PPP4R3B: variants seen among roughly 807,000 people sequenced by gnomAD.
PPP4R3B encodes serine/threonine-protein phosphatase 4 regulatory subunit 3B.
In PPP4R3B, 52 loss-of-function variants were observed where a neutral mutation model predicts 95.4. The ratio of observed to expected loss-of-function variants is 0.54; its 90% CI spans 0.44 to 0.69. PPP4R3B has a LOEUF of 0.69. Ranked by LOEUF, PPP4R3B falls within the 30% of genes least tolerant of loss-of-function variation. PPP4R3B has a pLI of 0.00. For synonymous variants in PPP4R3B, 407 were observed against 343.9 expected, an observed-to-expected ratio of 1.18 and a Z score of -2.03; for missense variants, 1,003 against 1,005.9, an observed-to-expected ratio of 1.00 and a Z score of 0.04.
At chr2:55,578,223 T>C in intron 10 of PPP4R3B, 24 bp downstream of exon 10, 1 of 1,382,840 alleles carries the variant, frequency 7.2e-7, no homozygotes, top group Non-Finnish European at 9.4e-7. Context: ...AATATAGGAG[T>C]GATACACTCC....
intron 2 of PPP4R3B, 82 bp downstream of exon 2, chr2:55,615,369 G>T: frequency 2.0e-6 from 2 of 1,002,402 alleles, no homozygotes; most frequent in Non-Finnish European, 1.5e-6. Flanking sequence ...TTCTTGTCAG[G>T]AAAGCTTTCC....
At chr2:55,592,423 TG>T (rs915601390) in intron 4 of PPP4R3B, among the ~76,000 whole-genome samples, 2 of 152,140 alleles carry the variant, frequency 1.3e-5, no homozygotes, top group African/African-American at 4.8e-5. Flanking sequence ...AAAGCTGGAA[TG>T]GGCCAAATCT....
intron 2 of PPP4R3B, among the ~76,000 whole-genome samples, chr2:55,606,103 C>T (rs1395379811): frequency 6.6e-6 from 1 of 152,122 alleles, no homozygotes. Context: ...AGGCTCCCTA[C>T]ATTCCCAAGT....
At chr2:55,590,573 C>G (rs1432952512) in intron 4 of PPP4R3B, among the ~76,000 whole-genome samples, 2 of 152,042 alleles carry the variant, frequency 1.3e-5, no homozygotes, top group Admixed American at 1.3e-4. Flanking sequence ...TATTAAAATT[C>G]ACCTTAGAGA....
intron 11 of PPP4R3B, 109 bp from the exon 12 acceptor site, chr2:55,573,886 CTT>C (rs369126683): frequency 0.028 from 7,591 of 274,036 alleles, no homozygotes; most frequent in South Asian, 0.058. Flanking sequence ...GTATTTCCTC[CTT>C]TTTTTTTTTT....
Position 55,564,760 on chromosome 2 carries a change from G to A in PPP4R3B, c.2075+142C>T, listed in dbSNP as rs148619171. 8,052 of 897,214 alleles carry A rather than the reference G, an allele frequency of 9.0e-3. 60 individuals are homozygous for A. The highest frequency in any genetic ancestry group is 0.011 in the Non-Finnish European group (6,690 of 596,166). 55.6% of individuals were successfully genotyped at this position (897,214 alleles called of 1,614,324 possible). ...CATATAAATGATATGGGGTAGGGGG[G>A]ACGCCTTACCCTCCTATTCAACTCT... On this transcript the variant is annotated intron_variant, in intron 14 of 16. Coordinates refer to ENST00000616407, the MANE Select transcript of PPP4R3B (RefSeq NM_001122964.3).
Position 55,598,557 on chromosome 2 carries a change from CCTT to C in PPP4R3B, c.777_779del (p.Arg260del). ...CCCTGTAAGTCTGATGTATTTTTTG[CCTT>C]AGTTCAGAGTCTGTTATTGGTATAA... On this transcript the variant is annotated inframe_deletion, in exon 4 of 17. Coordinates refer to ENST00000616407, the MANE Select transcript of PPP4R3B (RefSeq NM_001122964.3). 1 of 1,614,068 alleles carries C rather than the reference CCTT, an allele frequency of 6.2e-7. No homozygotes were observed. Among genetic ancestry groups the C allele is most frequent in the Non-Finnish European group, 8.5e-7 (1 of 1,180,010 alleles).
intron 4 of PPP4R3B, among the ~76,000 whole-genome samples, chr2:55,595,634 T>A (rs377050838): frequency 2.4e-4 from 36 of 152,020 alleles, no homozygotes; most frequent in African/African-American, 8.2e-4. Context: ...CCCTTTTACA[T>A]TTTTGCAAAT....
intron 15 of PPP4R3B, among the ~76,000 whole-genome samples, chr2:55,563,024 T>C (rs371307734): frequency 5.9e-5 from 9 of 152,226 alleles, no homozygotes; most frequent in Non-Finnish European, 1.2e-4. Context: ...ATTATTTTTA[T>C]ATATGATTCT....
At chr2:55,576,217 T>C (rs944906416) in intron 11 of PPP4R3B, among the ~76,000 whole-genome samples, 1 of 151,996 alleles carries the variant, frequency 6.6e-6, no homozygotes, top group African/African-American at 2.4e-5. Flanking sequence ...GGCGTGGTGG[T>C]GCACACCTGT....
chr2:55,584,042 C>T (rs1689781745), intron 7 of PPP4R3B, among the ~76,000 whole-genome samples: 1 of 152,010 alleles, frequency 6.6e-6, no homozygotes, highest in Non-Finnish European at 1.5e-5. Flanking sequence ...CTCTTCTCTA[C>T]CAAAAATACA....
Position 55,549,657 on chromosome 2 carries a change from G to A in PPP4R3B, c.*254C>T, listed in dbSNP as rs3748945. On this transcript the variant is annotated 3_prime_UTR_variant, in exon 17 of 17. Coordinates refer to ENST00000616407, the MANE Select transcript of PPP4R3B (RefSeq NM_001122964.3). Reference sequence around the variant, plus strand: ...TGTGACTTTTCCTTGCTGAGAAGCTGTCTCCCAGGTTCTGGTTACTAATGT... The same window carrying A: ...TGTGACTTTTCCTTGCTGAGAAGCTATCTCCCAGGTTCTGGTTACTAATGT... The A allele has an allele frequency of 0.68, 274,112 of 403,836 alleles. 94,425 individuals carry two copies. The highest frequency in any genetic ancestry group is 0.73 in the Admixed American group (17,220 of 23,550). The allele number at this position is 403,836 out of a possible 1,614,324, so 25.0% of individuals were successfully genotyped here. A position where few individuals can be genotyped will look rare whatever the true frequency, so the allele number is the denominator to read the frequency against.
intron 9 of PPP4R3B, 47 bp downstream of exon 9, chr2:55,579,632 C>T (rs781721726): frequency 1.5e-6 from 2 of 1,320,816 alleles, no homozygotes; most frequent in African/African-American, 1.5e-5. Flanking sequence ...TTTATCTCAT[C>T]CTTCTTTAAA....
intron 15 of PPP4R3B, among the ~76,000 whole-genome samples, chr2:55,563,577 T>A (rs1686899742): frequency 6.6e-6 from 1 of 152,136 alleles, no homozygotes; most frequent in African/African-American, 2.4e-5. Flanking sequence ...TTTTACCATG[T>A]TACCCAGGGT....
chr2:55,577,341 G>C lies in PPP4R3B; in HGVS notation c.1580C>G (p.Ser527Ter). 1 of 1,543,326 alleles carries C rather than the reference G, an allele frequency of 6.5e-7. No individual in the cohort carries two copies. Among genetic ancestry groups the C allele is most frequent in the Non-Finnish European group, 8.7e-7 (1 of 1,151,188 alleles). Residue 527 changes from serine (S) to a stop codon, truncating the protein, a stop_gained, in exon 11 of 17, where the codon TCA becomes TGA. Transcript: ENST00000616407. LOFTEE classifies it high-confidence loss of function. Reference protein sequence around the residue: ...SSISQDNIVGSNKNNTICPDN... With the variant: ...SSISQDNIVG Reference sequence around the variant, plus strand: ...GGGACAAATTGTGTTGTTTTTGTTTGATCCAACTATATTATCTAATAAAAA... The same window carrying C: ...GGGACAAATTGTGTTGTTTTTGTTTCATCCAACTATATTATCTAATAAAAA...
At chr2:55,605,503 G>A (rs1164015009) in intron 2 of PPP4R3B, among the ~76,000 whole-genome samples, 2 of 152,122 alleles carry the variant, frequency 1.3e-5, no homozygotes, top group East Asian at 3.9e-4. Flanking sequence ...GTGTAATCAG[G>A]TAAAAATAGC....
intron 12 of PPP4R3B, among the ~76,000 whole-genome samples, chr2:55,571,327 T>C (rs1687971650): frequency 6.6e-6 from 1 of 151,524 alleles, no homozygotes. Flanking sequence ...AAAATGGAAA[T>C]GCATTCAATT....
intron 11 of PPP4R3B, among the ~76,000 whole-genome samples, chr2:55,576,083 A>G (rs566319287): frequency 6.6e-4 from 101 of 152,324 alleles, no homozygotes; most frequent in African/African-American, 2.3e-3. Flanking sequence ...GCAGTGGCTC[A>G]TGCCTGTAAT....
intron 7 of PPP4R3B, among the ~76,000 whole-genome samples, chr2:55,584,485 A>G (rs1689869572): frequency 6.6e-6 from 1 of 151,972 alleles, no homozygotes; most frequent in Admixed American, 6.6e-5. Flanking sequence ...TAGTTTTTTT[A>G]TCCTTCACCC....
Sources: allele counts gnomAD v4.1 joint callset (sites outside exome capture counted in the v4.1 genomes callset), GRCh38; gene constraint gnomAD v4.1.1; transcripts MANE v1.5; gene names NCBI Gene and HGNC (gene_info 2026-07-23, HGNC 2026-07-21).